The following CEP128 variants were observed in gnomAD, a reference collection of about 807,000 sequenced individuals.
CEP128 encodes centrosomal protein 128.
Under a neutral mutation model 156.7 loss-of-function variants are expected in CEP128, and 132 were observed. The observed-to-expected ratio is 0.84, with a 90% CI of 0.73 to 0.97. The LOEUF is 0.97. Ranked by LOEUF, CEP128 falls within the 50% of genes least tolerant of loss-of-function variation. The pLI is 0.00. For synonymous variants in CEP128, 469 were observed against 448.9 expected (o/e 1.04, Z -0.57); for missense variants, 1,252 against 1,281.9 (o/e 0.98, Z 0.36).
chr14:80,503,344 T>C (rs959453025), intron 24 of CEP128, among the ~76,000 whole-genome samples: 1 of 152,178 alleles, frequency 6.6e-6, no homozygotes, highest in Admixed American at 6.5e-5. Flanking sequence ...GAAATATATC[T>C]TAGAGAAATG....
chr14:80,810,688 T>C (rs1884482615), intron 13 of CEP128, among the ~76,000 whole-genome samples: 1 of 152,186 alleles, frequency 6.6e-6, no homozygotes, highest in South Asian at 2.1e-4. Flanking sequence ...TCTTCAGTTT[T>C]TAAAAATACT....
chr14:80,611,134 T>C (rs1394378283), intron 19 of CEP128, among the ~76,000 whole-genome samples: 1 of 152,104 alleles, frequency 6.6e-6, no homozygotes, highest in East Asian at 1.9e-4. Flanking sequence ...TTGGGATTAA[T>C]GGTAAAACAT....
intron 19 of CEP128, among the ~76,000 whole-genome samples, chr14:80,600,725 T>C (rs557463010): frequency 6.6e-6 from 1 of 152,258 alleles, no homozygotes; most frequent in South Asian, 2.1e-4. Context: ...TATCTAAACA[T>C]AGACAAAAAT....
rs556983076 is a variant in CEP128, at chr14:80,747,503, C to G, written c.2614-4236G>C. Among the ~76,000 whole-genome samples, 3 of 152,162 alleles carry G rather than the reference C, an allele frequency of 2.0e-5. No individual in the cohort carries two copies. In the South Asian group the frequency reaches 6.2e-4, roughly 32 times the overall value. On this transcript the variant is annotated intron_variant, in intron 18 of 24. Coordinates refer to ENST00000555265, the MANE Select transcript of CEP128 (RefSeq NM_152446.5). ...ATGAAAGAAGTCAATCACAAAAGAC[C>G]ACATATTATATGATTATATTTATGG...
chr14:80,750,171 A>G (rs1899316290), intron 18 of CEP128, among the ~76,000 whole-genome samples: 1 of 152,206 alleles, frequency 6.6e-6, no homozygotes, highest in South Asian at 2.1e-4. Context: ...TCAATAAAAG[A>G]AGTGGACAGA....
exon 15 of CEP128, chr14:80,477,819 C>T (rs1016931705): frequency 2.0e-5 from 3 of 152,180 alleles, no homozygotes; most frequent in African/African-American, 7.2e-5. Flanking sequence ...CCTGAGAGAA[C>T]TCTGCCCCTG....
chr14:80,811,394 C>A (rs1439395317), intron 13 of CEP128, among the ~76,000 whole-genome samples: 1 of 152,100 alleles, frequency 6.6e-6, no homozygotes, highest in Admixed American at 6.5e-5. Flanking sequence ...TACATTCCCA[C>A]CAATAGTGTA....
In CEP128 at chr14:80,499,589, T is replaced by A. The variant is rs151199591; in HGVS notation, c.3182-2007A>T. Among the ~76,000 whole-genome samples, 526 of 152,304 alleles carry A rather than the reference T, an allele frequency of 3.5e-3. 4 individuals are homozygous for A. The highest frequency in any genetic ancestry group is 0.012 in the African/African-American group (493 of 41,578). The stretch of plus-strand genomic sequence containing the variant: ...ATTATGTTTTCAAACAGTTTTAGAT[T>A]TACAGGAAATTTACAATCTGCATTT... On this transcript the variant is annotated intron_variant, in intron 24 of 24. Transcript: ENST00000555265.
At chr14:80,582,381 CTAA>C (rs1473206094) in intron 19 of CEP128, among the ~76,000 whole-genome samples, 1 of 152,062 alleles carries the variant, frequency 6.6e-6, no homozygotes, top group African/African-American at 2.4e-5. Context: ...ATAGAGATAA[CTAA>C]TAGATGCACT....
intron 13 of CEP128, among the ~76,000 whole-genome samples, chr14:80,800,989 T>C (rs979509518): frequency 2.6e-5 from 4 of 152,162 alleles, no homozygotes; most frequent in Non-Finnish European, 2.9e-5. Flanking sequence ...GGGTCACTTA[T>C]GGAAAGGAAA....
At chr14:80,841,283 G>A (rs572972726) in intron 9 of CEP128, among the ~76,000 whole-genome samples, 1 of 152,082 alleles carries the variant, frequency 6.6e-6, no homozygotes, top group African/African-American at 2.4e-5. Flanking sequence ...ACTTAGCAAG[G>A]TGTATGTGTA....
At chr14:80,597,207 C>A (rs752985877) in intron 19 of CEP128, among the ~76,000 whole-genome samples, 17 of 151,962 alleles carry the variant, frequency 1.1e-4, no homozygotes, top group South Asian at 2.1e-4. Context: ...GGGCAGGGAA[C>A]AAGGGAGGGT....
At chr14:80,590,106 C>A (rs544244281) in intron 19 of CEP128, among the ~76,000 whole-genome samples, 1 of 152,208 alleles carries the variant, frequency 6.6e-6, no homozygotes, top group African/African-American at 2.4e-5. Context: ...TGATCACCTG[C>A]AGCATGGCTT....
chr14:80,956,360 A>G (rs1886684367), intron 2 of CEP128, among the ~76,000 whole-genome samples: 1 of 152,256 alleles, frequency 6.6e-6, no homozygotes, highest in African/African-American at 2.4e-5. Flanking sequence ...TGAACTGTCT[A>G]TACAGTATCT....
At chr14:80,728,950 G>T (rs1002127023) in intron 19 of CEP128, among the ~76,000 whole-genome samples, 1 of 151,960 alleles carries the variant, frequency 6.6e-6, no homozygotes, top group Non-Finnish European at 1.5e-5. Context: ...GCAGGTTCAC[G>T]CTGAGCCCTT....
chr14:80,595,784 G>A (rs911497591), intron 19 of CEP128, among the ~76,000 whole-genome samples: 4 of 152,208 alleles, frequency 2.6e-5, no homozygotes, highest in East Asian at 1.9e-4. Flanking sequence ...CACATGGCTG[G>A]GGAGGCCTCA....
rs139626636 is a variant in CEP128 at position 80,709,218 on chromosome 14, A to T, written c.2806+33857T>A. On this transcript the variant is annotated intron_variant, in intron 19 of 24. Transcript: ENST00000555265. ...GCAATGGCATGACCTCAGCCACTGC[A>T]AACTCTGCTTCCCGGGTTCAAGTGA... Among the ~76,000 whole-genome samples, 80 of 151,796 alleles carry T rather than the reference A, an allele frequency of 5.3e-4. 2 individuals carry two copies. The East Asian group carries it at 0.014, about 26-fold the overall frequency.
chr14:80,708,037 C>T (rs1260219236), intron 19 of CEP128, among the ~76,000 whole-genome samples: 5 of 152,030 alleles, frequency 3.3e-5, no homozygotes, highest in African/African-American at 1.2e-4. Flanking sequence ...ATTAATGTGC[C>T]ATTTGATGTA....
chr14:80,754,044 C>T lies in CEP128; in HGVS notation c.2613+2848G>A, dbSNP rs534086921. Among the ~76,000 whole-genome samples the T allele has an allele frequency of 3.3e-5, 5 of 152,248 alleles. 1 individual carries two copies. Among genetic ancestry groups the T allele is most frequent in the African/African-American group, 1.2e-4 (5 of 41,548 alleles). ...CTCTAATCTACCTTTCACCTCACTA[C>T]CAAAATATAAATATAAGCATGCCAT... On this transcript the variant is annotated intron_variant, in intron 18 of 24. Coordinates refer to ENST00000555265, the MANE Select transcript of CEP128 (RefSeq NM_152446.5).
Sources: allele counts gnomAD v4.1 joint callset (sites outside exome capture counted in the v4.1 genomes callset), GRCh38; gene constraint gnomAD v4.1.1; transcripts MANE v1.5; gene names NCBI Gene and HGNC (gene_info 2026-07-23, HGNC 2026-07-21).